The following USPL1 variants were observed in gnomAD, a reference collection of about 807,000 sequenced individuals.
USPL1 encodes SUMO-specific isopeptidase USPL1.
A neutral mutation model predicts 51.5 loss-of-function variants in USPL1; 27 were observed. The ratio of observed to expected loss-of-function variants is 0.52; its 90% CI spans 0.39 to 0.72. The LOEUF is 0.72. Among genes scored for constraint, USPL1 ranks in the 30% least tolerant of loss-of-function variants. USPL1 has a pLI of 0.00. For missense variants in USPL1, 1,226 were observed against 1,268.0 expected, an observed-to-expected ratio of 0.97 and a Z score of 0.50; for synonymous variants, 451 against 459.6, an observed-to-expected ratio of 0.98 and a Z score of 0.24.
chr13:30,619,859 C>T (rs1950625801), intron 1 of USPL1, among the ~76,000 whole-genome samples: 2 of 152,042 alleles, frequency 1.3e-5, no homozygotes, highest in Admixed American at 6.6e-5. Context: ...TAGTTCTCAC[C>T]AGAAGGGGTG....
At chr13:30,642,532 C>T (rs1234689977) in intron 5 of USPL1, 96 bp from the exon 6 acceptor site, 14 of 1,427,848 alleles carry the variant, frequency 9.8e-6, no homozygotes, top group Non-Finnish European at 1.2e-5. Flanking sequence ...CATATTCATG[C>T]TGTAAATATA....
At position 30,658,485 on chromosome 13, in the gene USPL1, G is replaced by C; in HGVS notation, c.2408G>C (p.Gly803Ala). 1.9e-6 allele frequency: 3 copies of C among 1,613,826 alleles called. No homozygotes were observed. Among genetic ancestry groups the C allele is most frequent in the Non-Finnish European group, 2.5e-6 (3 of 1,180,016 alleles). ...AATTTTGGTGGCTTTAAAACTAAAGGTATAAACCAGAAGGCCAGCCACGTA... is the reference window on the plus strand; with the variant it reads ...AATTTTGGTGGCTTTAAAACTAAAGCTATAAACCAGAAGGCCAGCCACGTA... ...VNNFGGFKTK[G>A]INQKASHVSK... The change falls in exon 9 of 9, where the codon GGT (glycine) becomes GCT (alanine). Residue 803 changes from glycine (G) to alanine (A), a missense_variant. Transcript: ENST00000255304.
intron 7 of USPL1, among the ~76,000 whole-genome samples, chr13:30,652,160 GA>G (rs949903905): frequency 5.3e-5 from 8 of 152,284 alleles, no homozygotes; most frequent in African/African-American, 1.9e-4. Context: ...TATAATTAGT[GA>G]AATCTTAGAT....
In USPL1 at chr13:30,621,055, T is replaced by C. The variant is rs1159763821; in HGVS notation, c.-68-18T>C. ...AATAGAATTTTTATTTAATTGTCTA[T>C]TGACTTTTTTTTTCCAGGGTTCATT... On this transcript the variant is annotated intron_variant, in intron 1 of 8. Coordinates refer to ENST00000255304, the MANE Select transcript of USPL1 (RefSeq NM_005800.5). The C allele has an allele frequency of 1.8e-6, 2 of 1,083,828 alleles. No individual in the cohort carries two copies. Among genetic ancestry groups the C allele is most frequent in the Non-Finnish European group, 2.7e-6 (2 of 732,622 alleles). The allele number at this position is 1,083,828 out of a possible 1,614,324, so 67.1% of individuals were successfully genotyped here.
At position 30,658,239 on chromosome 13, in the gene USPL1, A is replaced by G. The variant is rs781226166; in HGVS notation, c.2162A>G (p.Gln721Arg). The G allele has an allele frequency of 2.5e-6, 4 of 1,612,442 alleles. No individual in the cohort carries two copies. The Admixed American group carries it at 6.7e-5, about 27-fold the overall frequency. The stretch of plus-strand genomic sequence containing the variant: ...TTAAAACCAGAACGTGTCACATCTC[A>G]GGTATCTAATTTGAAGAAAAAAGAA... ...EQLKPERVTS[Q>R]VSNLKKKETT... is the part of the protein sequence containing the mutation. Residue 721 changes from glutamine (Q) to arginine (R), a missense_variant, in exon 9 of 9, where the codon CAG (glutamine) becomes CGG (arginine). By Grantham distance (43) the Gln-to-Arg change is conservative. Transcript: ENST00000255304.
At chr13:30,630,237 A>G (rs979311481) in intron 3 of USPL1, among the ~76,000 whole-genome samples, 11 of 152,078 alleles carry the variant, frequency 7.2e-5, no homozygotes, top group Non-Finnish European at 1.2e-4. Flanking sequence ...CTTAGGAAAG[A>G]CCCACTGATT....
At chr13:30,641,559 G>A (rs557754419) in intron 5 of USPL1, among the ~76,000 whole-genome samples, 41 of 152,368 alleles carry the variant, frequency 2.7e-4, no homozygotes, top group Non-Finnish European at 4.6e-4. Flanking sequence ...GAATAGGAAG[G>A]AGAGCAACCA....
chr13:30,628,873 G>T (rs1950759759), intron 3 of USPL1, among the ~76,000 whole-genome samples: 1 of 152,156 alleles, frequency 6.6e-6, no homozygotes, highest in Non-Finnish European at 1.5e-5. Context: ...ACCTTTTCAA[G>T]ATTCTGCTTT....
In USPL1 at chr13:30,658,042, A is replaced by T. The variant is rs745666005; in HGVS notation, c.1965A>T (p.Pro655=). Residue 655 remains proline (P), a synonymous_variant, in exon 9 of 9, where the codon CCA becomes CCT. Transcript: ENST00000255304. ...ACCAATTTGTGGACATAAGTTTTCC[A>T]TCCCAAGTTGTAAATACAAACATGC... is the stretch of plus-strand genomic sequence containing the variant. ...IQDQFVDISF[P]SQVVNTNMQS... 81 of 1,613,096 alleles carry T rather than the reference A, an allele frequency of 5.0e-5. No individual in the cohort carries two copies. The highest frequency in any genetic ancestry group is 6.8e-5 in the Non-Finnish European group (80 of 1,179,938).
chr13:30,631,717 C>T (rs554060722), intron 4 of USPL1, among the ~76,000 whole-genome samples: 1 of 152,310 alleles, frequency 6.6e-6, no homozygotes, highest in Admixed American at 6.5e-5. Context: ...ACTCGATTTC[C>T]TGGGTGCAAG....
intron 1 of USPL1, among the ~76,000 whole-genome samples, chr13:30,619,147 A>T (rs1371747352): frequency 6.6e-6 from 1 of 152,170 alleles, no homozygotes; most frequent in Non-Finnish European, 1.5e-5. Flanking sequence ...TGAAGGGAGG[A>T]AGAGCAGTTA....
chr13:30,625,508 C>T (rs1243202936), intron 3 of USPL1, among the ~76,000 whole-genome samples: 3 of 137,580 alleles, frequency 2.2e-5, no homozygotes, highest in Non-Finnish European at 3.0e-5. Flanking sequence ...TGCAGTGGTG[C>T]GATCTCGGCT....
chr13:30,623,242 G>C (rs912805540), intron 3 of USPL1, among the ~76,000 whole-genome samples: 5 of 152,102 alleles, frequency 3.3e-5, no homozygotes, highest in Non-Finnish European at 7.4e-5. Flanking sequence ...GAGAATGGAG[G>C]CTGCCTGTCA....
chr13:30,637,872 A>G lies in USPL1; in HGVS notation c.982+15A>G, dbSNP rs1950896973. The G allele has an allele frequency of 6.4e-7, 1 of 1,563,702 alleles. No homozygotes were observed. The highest frequency in any genetic ancestry group is 8.8e-7 in the Non-Finnish European group (1 of 1,135,098). ...ATGCACATTAGGTAAGTAATTGGTAAAACTTACTTGTATTATACTCATCTA... is the reference window on the plus strand; with the variant it reads ...ATGCACATTAGGTAAGTAATTGGTAGAACTTACTTGTATTATACTCATCTA... On this transcript the variant is annotated intron_variant, in intron 5 of 8. Coordinates refer to ENST00000255304, the MANE Select transcript of USPL1 (RefSeq NM_005800.5).
intron 1 of USPL1, among the ~76,000 whole-genome samples, chr13:30,618,389 G>A (rs570044438): frequency 1.3e-5 from 2 of 152,190 alleles, no homozygotes; most frequent in South Asian, 4.1e-4. Flanking sequence ...ATTCAAGACA[G>A]TTGGGTTTGG....
intron 4 of USPL1, among the ~76,000 whole-genome samples, chr13:30,633,837 T>C (rs934642630): frequency 1.3e-5 from 2 of 151,004 alleles, no homozygotes; most frequent in African/African-American, 4.9e-5. Context: ...AACATGTTGC[T>C]GTCAGTTGGA....
At chr13:30,641,757 G>A (rs1368689895) in intron 5 of USPL1, among the ~76,000 whole-genome samples, 14 of 152,212 alleles carry the variant, frequency 9.2e-5, no homozygotes, top group African/African-American at 3.1e-4. Context: ...AGAGTCCAAA[G>A]AGTTGAGGCT....
chr13:30,626,479 TACA>T (rs747937874), intron 3 of USPL1, among the ~76,000 whole-genome samples: 6 of 152,216 alleles, frequency 3.9e-5, no homozygotes, highest in Admixed American at 3.3e-4. Context: ...TTCTTTTGCA[TACA>T]ACAACAGAGT....
rs759432307 is a variant in USPL1, at chr13:30,621,799, T to C, written c.135T>C (p.Tyr45=). The C allele has an allele frequency of 6.3e-7, 1 of 1,581,054 alleles. No homozygotes were observed. Among genetic ancestry groups the C allele is most frequent in the East Asian group, 2.3e-5 (1 of 43,140 alleles). Residue 45 remains tyrosine (Y), a synonymous_variant, in exon 3 of 9, where the codon TAT becomes TAC. Coordinates refer to ENST00000255304, the MANE Select transcript of USPL1 (RefSeq NM_005800.5). The part of the protein sequence containing the change: ...FDSAKVPSDE[Y]CPACREKGKL... ...CAGCTAAAGTTCCATCAGATGAGTA[T>C]TGCCCTGCTTGTAGAGAGAAGGGAA... is the stretch of plus-strand genomic sequence containing the variant.
Sources: gnomAD v4.1 joint callset for allele counts (sites outside exome capture counted in the v4.1 genomes callset) on GRCh38, gnomAD v4.1.1 for gene constraint, MANE v1.5 for transcripts, NCBI Gene and HGNC (gene_info 2026-07-23, HGNC 2026-07-21) for gene names.